Variants in CLSTN2 observed in about 807,000 individuals in gnomAD.
CLSTN2 encodes calsyntenin-2.
In CLSTN2, 48 loss-of-function variants were observed where a neutral mutation model predicts 101.2. That is an observed-to-expected ratio of 0.47 (90% CI 0.38 to 0.60). CLSTN2 has a LOEUF of 0.60. Ranked by LOEUF, CLSTN2 falls within the 20% of genes least tolerant of loss-of-function variation. CLSTN2 has a pLI of 0.00. For synonymous variants in CLSTN2, 481 were observed against 463.6 expected (o/e 1.04, Z -0.48); for missense variants, 1,160 against 1,238.2 (o/e 0.94, Z 0.95).
intron 12 of CLSTN2, 123 bp downstream of exon 12, chr3:140,558,980 A>T: frequency 1.4e-6 from 1 of 706,426 alleles, no homozygotes; most frequent in Non-Finnish European, 2.4e-6. Context: ...TATACATGGC[A>T]GCGTAATGTA....
rs183004653 is a variant in CLSTN2 at position 140,198,707 on chromosome 3, C to T, written c.232+22634C>T. On this transcript the variant is annotated intron_variant, in intron 2 of 16. Coordinates refer to ENST00000458420, the MANE Select transcript of CLSTN2 (RefSeq NM_022131.3). ...AAGTATTTTAGGCTTTGCAGGTCAA[C>T]AGGTGACGTTTAGGCCATTATGTAG... Among the ~76,000 whole-genome samples, 12 of 152,318 alleles carry T rather than the reference C, an allele frequency of 7.9e-5. No homozygotes were observed. In the East Asian group the frequency reaches 2.3e-3, roughly 29 times the overall value.
chr3:140,368,736 A>C (rs148609695), intron 2 of CLSTN2, among the ~76,000 whole-genome samples: 1 of 152,276 alleles, frequency 6.6e-6, no homozygotes, highest in African/African-American at 2.4e-5. Context: ...TGAACCCTGA[A>C]AGGCCCTCTG....
intron 1 of CLSTN2, among the ~76,000 whole-genome samples, chr3:140,118,175 A>C (rs1265130550): frequency 2.0e-5 from 3 of 152,268 alleles, no homozygotes; most frequent in African/African-American, 7.2e-5. Flanking sequence ...CAAGCCAAAG[A>C]GAGAGGCTTC....
intron 1 of CLSTN2, among the ~76,000 whole-genome samples, chr3:140,040,849 A>G (rs1355368311): frequency 6.6e-6 from 1 of 152,128 alleles, no homozygotes; most frequent in East Asian, 1.9e-4. Flanking sequence ...TTTCATGATT[A>G]CAAGGTGGAG....
At chr3:140,353,441 G>A (rs1039774279) in intron 2 of CLSTN2, among the ~76,000 whole-genome samples, 2 of 151,950 alleles carry the variant, frequency 1.3e-5, no homozygotes, top group East Asian at 1.9e-4. Flanking sequence ...GGCCAGTCTC[G>A]CCTTTTGACA....
intron 1 of CLSTN2, among the ~76,000 whole-genome samples, chr3:139,998,336 CT>C (rs60541490): frequency 0.054 from 3,604 of 66,592 alleles, 91 homozygotes; most frequent in African/African-American, 0.061. Flanking sequence ...CCCCACATGC[CT>C]TTTTTTTTTT....
chr3:140,488,997 G>A (rs1304329819), intron 8 of CLSTN2, among the ~76,000 whole-genome samples: 1 of 152,162 alleles, frequency 6.6e-6, no homozygotes, highest in East Asian at 1.9e-4. Flanking sequence ...AGAAAACAAT[G>A]AATGTATAAG....
intron 1 of CLSTN2, among the ~76,000 whole-genome samples, chr3:140,047,167 G>T (rs1360341660): frequency 6.6e-6 from 1 of 151,996 alleles, no homozygotes; most frequent in South Asian, 2.1e-4. Flanking sequence ...CCTACAAAGG[G>T]GCCACACATC....
chr3:140,235,896 G>T (rs2086412390), intron 2 of CLSTN2, among the ~76,000 whole-genome samples: 1 of 152,142 alleles, frequency 6.6e-6, no homozygotes, highest in Non-Finnish European at 1.5e-5. Context: ...GGTTTGGAAA[G>T]GAGATAGTAG....
intron 1 of CLSTN2, among the ~76,000 whole-genome samples, chr3:140,043,543 C>T (rs900956381): frequency 2.0e-5 from 3 of 152,144 alleles, no homozygotes; most frequent in Non-Finnish European, 2.9e-5. Flanking sequence ...ATCCCATTTG[C>T]CAATTTTGGC....
At chr3:140,409,277 T>C (rs555729220) in intron 4 of CLSTN2, among the ~76,000 whole-genome samples, 194 of 152,344 alleles carry the variant, frequency 1.3e-3, no homozygotes, top group African/African-American at 3.8e-3. Context: ...CCAATGGCCC[T>C]GACTCCCCCT....
intron 5 of CLSTN2, among the ~76,000 whole-genome samples, chr3:140,438,807 G>A (rs1344700870): frequency 6.6e-6 from 1 of 152,216 alleles, no homozygotes; most frequent in African/African-American, 2.4e-5. Context: ...GCTTTGAAGT[G>A]CGTGGTTTCT....
chr3:140,081,625 G>A (rs1313020192), intron 1 of CLSTN2, among the ~76,000 whole-genome samples: 2 of 137,340 alleles, frequency 1.5e-5, no homozygotes, highest in Admixed American at 1.6e-4. Context: ...CCCACCTGCA[G>A]AGTCCTCCCT....
chr3:140,072,667 T>G (rs2008416336), intron 1 of CLSTN2, among the ~76,000 whole-genome samples: 1 of 152,216 alleles, frequency 6.6e-6, no homozygotes, highest in Non-Finnish European at 1.5e-5. Flanking sequence ...GTTCAAGATA[T>G]TCAGATCCAT....
intron 1 of CLSTN2, among the ~76,000 whole-genome samples, chr3:139,984,543 A>T (rs1044948426): frequency 1.3e-5 from 2 of 152,044 alleles, no homozygotes; most frequent in Non-Finnish European, 2.9e-5. Flanking sequence ...TTCTCCCAAA[A>T]ACACTGCCTT....
intron 2 of CLSTN2, among the ~76,000 whole-genome samples, chr3:140,367,035 T>C (rs1391712934): frequency 6.6e-6 from 1 of 152,160 alleles, no homozygotes; most frequent in Non-Finnish European, 1.5e-5. Context: ...ATTAAGCACT[T>C]GGTGCTGGGC....
chr3:140,193,195 T>C (rs2010596354), intron 2 of CLSTN2, among the ~76,000 whole-genome samples: 1 of 151,470 alleles, frequency 6.6e-6, no homozygotes, highest in African/African-American at 2.4e-5. Flanking sequence ...GCTTTTGTAT[T>C]TACCATTATT....
intron 1 of CLSTN2, among the ~76,000 whole-genome samples, chr3:140,000,752 A>T (rs550590080): frequency 6.6e-6 from 1 of 152,116 alleles, no homozygotes; most frequent in Non-Finnish European, 1.5e-5. Context: ...TAGATTTCTC[A>T]TCTTGCTCTT....
intron 2 of CLSTN2, among the ~76,000 whole-genome samples, chr3:140,293,655 A>G (rs533892241): frequency 6.6e-6 from 1 of 152,254 alleles, no homozygotes; most frequent in East Asian, 1.9e-4. Flanking sequence ...AGAGAGTCCC[A>G]GGGATGTTAT....
Sources: allele counts gnomAD v4.1 joint callset (sites outside exome capture counted in the v4.1 genomes callset), GRCh38; gene constraint gnomAD v4.1.1; transcripts MANE v1.5; gene names NCBI Gene and HGNC (gene_info 2026-07-23, HGNC 2026-07-21).